Variants in SGCZ observed in about 807,000 individuals in gnomAD.
SGCZ encodes the protein zeta-sarcoglycan.
A neutral mutation model predicts 41.3 loss-of-function variants in SGCZ; 40 were observed. The observed-to-expected ratio is 0.97, with a 90% CI of 0.75 to 1.26. SGCZ has a LOEUF of 1.26. Ranked by LOEUF, SGCZ falls within the 50% of genes most tolerant of loss-of-function variation. The probability of loss-of-function intolerance (pLI) is 0.00; values close to 1 mark genes in which losing one functional copy is unlikely to be tolerated. For synonymous variants in SGCZ, 206 were observed against 137.5 expected (o/e 1.50, Z -3.49); for missense variants, 552 against 369.8 (o/e 1.49, Z -4.04).
At chr8:14,140,088 T>C (rs764781449) in intron 5 of SGCZ, among the ~76,000 whole-genome samples, 10 of 152,192 alleles carry the variant, frequency 6.6e-5, no homozygotes, top group Non-Finnish European at 8.8e-5. Context: ...ATTGTTTCAA[T>C]AGATGCAGAA....
At chr8:14,774,525 T>C (rs773446059) in intron 1 of SGCZ, among the ~76,000 whole-genome samples, 3 of 152,174 alleles carry the variant, frequency 2.0e-5, no homozygotes, top group Non-Finnish European at 4.4e-5. Context: ...CCTTATGGCT[T>C]CTCCCACATG....
At position 14,473,511 on chromosome 8, in the gene SGCZ, A is replaced by T. The variant is rs527734843; in HGVS notation, c.234+81221T>A. Among the ~76,000 whole-genome samples, 4 of 152,346 alleles carry T rather than the reference A, an allele frequency of 2.6e-5. No homozygotes were observed. In the East Asian group the frequency reaches 7.7e-4, roughly 29 times the overall value. ...ATTCAATACATCAACAAATGTTTCT[A>T]CCAAAAACTAAAATATCAATTTTGA... On this transcript the variant is annotated intron_variant, in intron 2 of 7. Transcript: ENST00000382080.
chr8:14,619,046 A>C (rs925239663), intron 1 of SGCZ, among the ~76,000 whole-genome samples: 1 of 152,172 alleles, frequency 6.6e-6, no homozygotes, highest in Non-Finnish European at 1.5e-5. Flanking sequence ...GGTATACTCT[A>C]TATATTAGTC....
chr8:15,037,339 A>G (rs565336970), intron 1 of SGCZ, among the ~76,000 whole-genome samples: 2 of 152,266 alleles, frequency 1.3e-5, no homozygotes, highest in South Asian at 4.1e-4. Flanking sequence ...TCACCATGTG[A>G]CGAAGGATAC....
intron 2 of SGCZ, among the ~76,000 whole-genome samples, chr8:14,494,521 A>C (rs953882067): frequency 2.6e-5 from 4 of 152,166 alleles, no homozygotes; most frequent in Admixed American, 6.6e-5. Context: ...ACACATGCAC[A>C]CACACAAACA....
chr8:14,453,915 T>C (rs1800668414), intron 2 of SGCZ, among the ~76,000 whole-genome samples: 1 of 152,204 alleles, frequency 6.6e-6, no homozygotes, highest in Non-Finnish European at 1.5e-5. Flanking sequence ...ATTCTGAGTG[T>C]CAAAATGATT....
At chr8:14,890,648 C>A (rs530228299) in intron 1 of SGCZ, among the ~76,000 whole-genome samples, 11 of 152,182 alleles carry the variant, frequency 7.2e-5, no homozygotes, top group African/African-American at 2.7e-4. Flanking sequence ...TCCAGAAGAT[C>A]TAGTGAGGAT....
intron 1 of SGCZ, among the ~76,000 whole-genome samples, chr8:14,834,500 A>G (rs1220379312): frequency 6.6e-6 from 1 of 152,184 alleles, no homozygotes; most frequent in Non-Finnish European, 1.5e-5. Flanking sequence ...CAGGCTGCCA[A>G]AGAGTTCCCC....
At chr8:14,758,780 G>A (rs112040442) in intron 1 of SGCZ, among the ~76,000 whole-genome samples, 8 of 152,092 alleles carry the variant, frequency 5.3e-5, no homozygotes, top group Admixed American at 1.3e-4. Context: ...AGGCCGAGGC[G>A]GGTGGATCAC....
At chr8:15,215,651 A>G (rs137996348) in intron 1 of SGCZ, among the ~76,000 whole-genome samples, 605 of 152,290 alleles carry the variant, frequency 4.0e-3, no homozygotes, top group Non-Finnish European at 6.6e-3. Flanking sequence ...TCCTAGTCCA[A>G]ATTACAAAAC....
chr8:14,448,195 T>C (rs1403982948), intron 2 of SGCZ, among the ~76,000 whole-genome samples: 1 of 152,126 alleles, frequency 6.6e-6, no homozygotes, highest in Non-Finnish European at 1.5e-5. Context: ...AAAAGAGAGA[T>C]TCAAGGTTTA....
chr8:15,199,371 C>T (rs576241998), intron 1 of SGCZ, among the ~76,000 whole-genome samples: 6 of 152,114 alleles, frequency 3.9e-5, no homozygotes, highest in Non-Finnish European at 8.8e-5. Context: ...GTAATTTAAT[C>T]CCCCATTAAA....
chr8:14,772,231 G>A (rs994275421), intron 1 of SGCZ, among the ~76,000 whole-genome samples: 2 of 152,164 alleles, frequency 1.3e-5, no homozygotes, highest in Non-Finnish European at 2.9e-5. Context: ...TGTTTGAGAT[G>A]TATAATGAGA....
chr8:15,156,334 A>T (rs1328352860), intron 1 of SGCZ, among the ~76,000 whole-genome samples: 1 of 152,148 alleles, frequency 6.6e-6, no homozygotes, highest in Non-Finnish European at 1.5e-5. Context: ...ATAAATTGTC[A>T]TTTAGGGTAG....
chr8:14,401,275 TTTATTTA>T (rs1279180933), intron 2 of SGCZ, among the ~76,000 whole-genome samples: 1 of 136,206 alleles, frequency 7.3e-6, no homozygotes, highest in Non-Finnish European at 1.6e-5. Flanking sequence ...TAGTTTTATT[TTTATTTA>T]TTTTTTTTTC....
At chr8:15,068,726 AT>A (rs1421279834) in intron 1 of SGCZ, among the ~76,000 whole-genome samples, 1 of 152,214 alleles carries the variant, frequency 6.6e-6, no homozygotes, top group Non-Finnish European at 1.5e-5. Flanking sequence ...ATTTGCAAAA[AT>A]CTTCAAAGAT....
intron 1 of SGCZ, among the ~76,000 whole-genome samples, chr8:15,032,841 C>A (rs1803728586): frequency 6.6e-6 from 1 of 152,144 alleles, no homozygotes; most frequent in South Asian, 2.1e-4. Flanking sequence ...CTAGGCCAGC[C>A]TCTGTGGATA....
At chr8:14,122,959 T>C (rs1274682030) in intron 5 of SGCZ, among the ~76,000 whole-genome samples, 1 of 152,200 alleles carries the variant, frequency 6.6e-6, no homozygotes, top group Non-Finnish European at 1.5e-5. Flanking sequence ...AATAGAAGTA[T>C]GTTGTAATCC....
intron 1 of SGCZ, among the ~76,000 whole-genome samples, chr8:15,127,094 A>G (rs1807720705): frequency 6.6e-6 from 1 of 152,326 alleles, no homozygotes; most frequent in Admixed American, 6.5e-5. Context: ...TAGGTTTTAA[A>G]TTGCCAAATA....
Sources: allele counts gnomAD v4.1 joint callset (sites outside exome capture counted in the v4.1 genomes callset), GRCh38; gene constraint gnomAD v4.1.1; transcripts MANE v1.5; gene names NCBI Gene and HGNC (gene_info 2026-07-23, HGNC 2026-07-21).